Variants in SGCD observed in about 807,000 individuals in gnomAD.
The protein encoded by SGCD is delta-sarcoglycan.
Under a neutral mutation model 36.6 loss-of-function variants are expected in SGCD, and 18 were observed. The ratio of observed to expected loss-of-function variants is 0.49; its 90% CI spans 0.34 to 0.73. SGCD has a LOEUF of 0.73. Ranked by LOEUF, SGCD falls within the 30% of genes least tolerant of loss-of-function variation. The probability of loss-of-function intolerance (pLI) is 0.01; values close to 1 mark genes in which losing one functional copy is unlikely to be tolerated. For synonymous variants in SGCD, 133 were observed against 130.6 expected (o/e 1.02, Z -0.12); for missense variants, 387 against 346.7 (o/e 1.12, Z -0.92).
intron 1 of SGCD, among the ~76,000 whole-genome samples, chr5:155,900,621 G>A (rs1756369459): frequency 1.5e-5 from 2 of 129,864 alleles, no homozygotes; most frequent in Non-Finnish European, 3.1e-5. Context: ...TCCCCTTCCT[G>A]TGTCCATGTG....
intron 7 of SGCD, among the ~76,000 whole-genome samples, chr5:156,696,549 G>T (rs1482167853): frequency 1.3e-5 from 2 of 152,100 alleles, no homozygotes; most frequent in African/African-American, 4.8e-5. Context: ...TCACTCTGTT[G>T]CCCAGGCTGG....
intron 1 of SGCD, among the ~76,000 whole-genome samples, chr5:156,117,337 C>T (rs1761928614): frequency 6.6e-6 from 1 of 151,974 alleles, no homozygotes; most frequent in South Asian, 2.1e-4. Flanking sequence ...CAGCATGGCA[C>T]CATTGTATTA....
chr5:156,140,065 G>C (rs1762542916), intron 3 of SGCD, among the ~76,000 whole-genome samples: 1 of 152,186 alleles, frequency 6.6e-6, no homozygotes, highest in African/African-American at 2.4e-5. Flanking sequence ...CCAGTACCTT[G>C]ATCCTGTACT....
intron 1 of SGCD, among the ~76,000 whole-genome samples, chr5:155,989,756 G>A (rs903241805): frequency 4.6e-5 from 7 of 152,166 alleles, no homozygotes; most frequent in African/African-American, 1.4e-4. Context: ...ATAATACCAT[G>A]TCTTCAGCAG....
At chr5:156,585,304 A>T (rs563294770) in intron 4 of SGCD, among the ~76,000 whole-genome samples, 1 of 152,324 alleles carries the variant, frequency 6.6e-6, no homozygotes, top group East Asian at 1.9e-4. Flanking sequence ...ATTGTTTTTC[A>T]GTAACTTGCT....
intron 6 of SGCD, among the ~76,000 whole-genome samples, chr5:156,614,092 A>G (rs1761936691): frequency 6.6e-6 from 1 of 152,126 alleles, no homozygotes; most frequent in Non-Finnish European, 1.5e-5. Flanking sequence ...GATTACAGGT[A>G]CGCACCATCA....
intron 1 of SGCD, among the ~76,000 whole-genome samples, chr5:156,075,420 T>C (rs945885832): frequency 6.6e-6 from 1 of 152,086 alleles, no homozygotes; most frequent in African/African-American, 2.4e-5. Context: ...AGATTATGGG[T>C]AGATGCACAG....
At chr5:156,622,159 G>A (rs906720220) in intron 6 of SGCD, among the ~76,000 whole-genome samples, 13 of 152,198 alleles carry the variant, frequency 8.5e-5, no homozygotes, top group African/African-American at 2.6e-4. Context: ...AGGGCCAGCC[G>A]TGGTGGCTCA....
At chr5:155,924,513 G>A (rs1756954422) in intron 1 of SGCD, among the ~76,000 whole-genome samples, 1 of 152,214 alleles carries the variant, frequency 6.6e-6, no homozygotes, top group African/African-American at 2.4e-5. Flanking sequence ...AAAGAGCATG[G>A]CGTATAGTTG....
intron 7 of SGCD, among the ~76,000 whole-genome samples, chr5:156,734,817 T>C (rs760236075): frequency 6.6e-6 from 1 of 152,238 alleles, no homozygotes; most frequent in Admixed American, 6.5e-5. Context: ...TACTCTTTTA[T>C]TTAGCTCAGT....
intron 3 of SGCD, among the ~76,000 whole-genome samples, chr5:156,170,972 C>T (rs1260535000): frequency 6.6e-6 from 1 of 152,152 alleles, no homozygotes; most frequent in African/African-American, 2.4e-5. Context: ...ATTTTTAGGT[C>T]ATCTCCAAGC....
chr5:156,325,009 AATG>A (rs1204927916), upstream of SGCD, among the ~76,000 whole-genome samples: 1 of 152,172 alleles, frequency 6.6e-6, no homozygotes, highest in African/African-American at 2.4e-5. Flanking sequence ...CTATTTATAG[AATG>A]ATAATTTTGA....
chr5:156,124,182 TG>T (rs2127603630), intron 3 of SGCD, among the ~76,000 whole-genome samples: 1 of 152,268 alleles, frequency 6.6e-6, no homozygotes, highest in South Asian at 2.1e-4. Flanking sequence ...CCATCACTTA[TG>T]GGATGTGTTA....
intron 7 of SGCD, among the ~76,000 whole-genome samples, chr5:156,656,327 ATAAT>A (rs1763678610): frequency 6.6e-6 from 1 of 152,176 alleles, no homozygotes; most frequent in Non-Finnish European, 1.5e-5. Flanking sequence ...ATACCGTGTG[ATAAT>A]TAATATGGAG....
Position 156,211,987 on chromosome 5 carries a change from C to T in SGCD, c.-44+87968C>T, listed in dbSNP as rs1040887202. 6.6e-5 allele frequency among the ~76,000 whole-genome samples: 10 copies of T among 152,026 alleles called. No homozygotes were observed. The East Asian group carries it at 7.7e-4, about 12-fold the overall frequency. ...TGTTTTATGTAAGCATCATTGGAAC[C>T]GCAAAGCAAAAACGACAAGAGGTAC... On this transcript the variant is annotated intron_variant, in intron 3 of 9. Transcript: ENST00000517913.
the SGCD span, among the ~76,000 whole-genome samples, chr5:155,847,398 G>A: frequency 1.3e-5 from 2 of 152,034 alleles, no homozygotes; most frequent in Non-Finnish European, 2.9e-5. Context: ...TTTTCTTTTT[G>A]ACTTATGGCA....
intron 1 of SGCD, among the ~76,000 whole-genome samples, chr5:156,083,815 TTTG>T (rs1187243029): frequency 1.1e-4 from 16 of 151,800 alleles, no homozygotes; most frequent in African/African-American, 3.4e-4. Context: ...TGTTTGTTTG[TTTG>T]TTTTCTTTTT....
At chr5:155,885,462 TA>T (rs34256725) in intron 1 of SGCD, among the ~76,000 whole-genome samples, 87,261 of 110,878 alleles carry the variant, frequency 0.79, 39,471 homozygotes, top group Non-Finnish European at 0.84. Context: ...ATCATCAAAG[TA>T]AAAAAAAAAT....
At chr5:155,795,374 A>C in the SGCD span, among the ~76,000 whole-genome samples, 2 of 152,148 alleles carry the variant, frequency 1.3e-5, no homozygotes, top group Non-Finnish European at 2.9e-5. Context: ...GGATGAGTAT[A>C]AATCAAATTG....
Sources: allele counts gnomAD v4.1 joint callset (sites outside exome capture counted in the v4.1 genomes callset), GRCh38; gene constraint gnomAD v4.1.1; transcripts MANE v1.5; gene names NCBI Gene and HGNC (gene_info 2026-07-23, HGNC 2026-07-21).